Variants in ZNF487 observed in about 807,000 individuals in gnomAD.
ZNF487 encodes zinc finger protein 487, also known as KRAB domain only 1.
A neutral mutation model predicts 3.0 loss-of-function variants in ZNF487; 4 were observed. The observed-to-expected ratio is 1.35, with a 90% CI of 0.66 to 3.08. ZNF487 has a LOEUF of 3.08. ZNF487 is among the 30% of genes most tolerant of loss of function. The probability of loss-of-function intolerance (pLI) is 0.01; values close to 1 mark genes in which losing one functional copy is unlikely to be tolerated. For synonymous variants in ZNF487, 55 were observed against 34.6 expected (o/e 1.59, Z -2.06); for missense variants, 146 against 98.7 (o/e 1.48, Z -2.03).
chr10:43,444,243 G>A (rs1839724008), intron 1 of ZNF487, among the ~76,000 whole-genome samples: 1 of 152,126 alleles, frequency 6.6e-6, no homozygotes, highest in Non-Finnish European at 1.5e-5. Flanking sequence ...TGTACCCATT[G>A]ATGTTTTCAG....
At chr10:43,447,607 C>G (rs1050600233) in intron 1 of ZNF487, among the ~76,000 whole-genome samples, 1 of 152,224 alleles carries the variant, frequency 6.6e-6, no homozygotes, top group African/African-American at 2.4e-5. Context: ...TGTGTGAGCA[C>G]TGGGCACTAT....
At chr10:43,506,673 G>A in the ZNF487 span, among the ~76,000 whole-genome samples, 1 of 152,090 alleles carries the variant, frequency 6.6e-6, no homozygotes, top group Admixed American at 6.6e-5. Flanking sequence ...GCCTCCCAAA[G>A]CCCTTGGTTG....
chr10:43,457,572 A>G (rs1455544561), intron 1 of ZNF487, among the ~76,000 whole-genome samples: 10 of 151,242 alleles, frequency 6.6e-5, no homozygotes, highest in South Asian at 2.1e-4. Context: ...AAAAAAAAAA[A>G]AAAAGAAAAA....
chr10:43,475,658 C>T (rs1841069591), intron 1 of ZNF487, 63 bp from the exon 2 acceptor site: 7 of 749,912 alleles, frequency 9.3e-6, no homozygotes, highest in Non-Finnish European at 1.5e-5. Flanking sequence ...TGTTAGATCT[C>T]ACACATGTTG....
intron 1 of ZNF487, among the ~76,000 whole-genome samples, chr10:43,470,955 G>A (rs959176535): frequency 1.3e-5 from 2 of 152,082 alleles, no homozygotes; most frequent in African/African-American, 2.4e-5. Context: ...AGCCTCTTGA[G>A]TAGTTGGGAC....
chr10:43,444,402 T>A (rs1186601838), intron 1 of ZNF487, among the ~76,000 whole-genome samples: 1 of 152,182 alleles, frequency 6.6e-6, no homozygotes, highest in Admixed American at 6.6e-5. Context: ...TATTTATATA[T>A]AATTTCAGGG....
chr10:43,487,929 CAAAAAAAAAA>C (rs76705594), downstream of ZNF487, among the ~76,000 whole-genome samples: 14 of 40,446 alleles, frequency 3.5e-4, 1 homozygote, highest in East Asian at 8.1e-3. Context: ...TACCAAAATA[CAAAAAAAAAA>C]AAAAAAAAAA....
chr10:43,454,432 T>C (rs1322586546), intron 1 of ZNF487: 1 of 152,256 alleles, frequency 6.6e-6, no homozygotes, highest in East Asian at 1.9e-4. Flanking sequence ...CTCCTTTCAC[T>C]AGCTCACAAA....
the ZNF487 span, among the ~76,000 whole-genome samples, chr10:43,503,213 G>A: frequency 6.6e-6 from 1 of 152,064 alleles, no homozygotes; most frequent in African/African-American, 2.4e-5. Flanking sequence ...CTGACCTTGT[G>A]TAGGCCTGGG....
chr10:43,474,024 G>T (rs1840999473), intron 1 of ZNF487, among the ~76,000 whole-genome samples: 1 of 151,992 alleles, frequency 6.6e-6, no homozygotes, highest in Admixed American at 6.6e-5. Flanking sequence ...AACTGGGGAT[G>T]GTGGTATGCA....
intron 1 of ZNF487, among the ~76,000 whole-genome samples, chr10:43,464,072 A>G (rs1201379635): frequency 6.6e-6 from 1 of 152,102 alleles, no homozygotes; most frequent in Non-Finnish European, 1.5e-5. Context: ...CAGAAGCTAG[A>G]AATACTTAAG....
intron 1 of ZNF487, among the ~76,000 whole-genome samples, chr10:43,444,891 G>A (rs965526499): frequency 1.3e-5 from 2 of 152,032 alleles, no homozygotes; most frequent in Non-Finnish European, 2.9e-5. Context: ...GGTTTTTATT[G>A]TAAGGGTAGA....
the ZNF487 span, among the ~76,000 whole-genome samples, chr10:43,503,688 C>T: frequency 6.6e-6 from 1 of 152,144 alleles, no homozygotes; most frequent in Non-Finnish European, 1.5e-5. Context: ...TCACTGTAGC[C>T]TCAACTTCCT....
chr10:43,513,168 T>A, the ZNF487 span, among the ~76,000 whole-genome samples: 2 of 152,272 alleles, frequency 1.3e-5, no homozygotes, highest in African/African-American at 4.8e-5. Context: ...GAAAAAGCGA[T>A]CAAGGTGCTT....
At chr10:43,447,250 A>ACTTTTTTTTCTTTTC (rs1839846020) in intron 1 of ZNF487, among the ~76,000 whole-genome samples, 1 of 149,182 alleles carries the variant, frequency 6.7e-6, no homozygotes, top group African/African-American at 2.5e-5. Context: ...GGAGAACAAC[A>ACTTTTTTTTCTTTTC]TTTTTTTTTT....
At chr10:43,500,594 C>A in the ZNF487 span, among the ~76,000 whole-genome samples, 1 of 152,064 alleles carries the variant, frequency 6.6e-6, no homozygotes, top group Non-Finnish European at 1.5e-5. Context: ...CTCTGCCTCC[C>A]GGGCTCAGCT....
intron 1 of ZNF487, among the ~76,000 whole-genome samples, chr10:43,465,083 G>C (rs1353710976): frequency 6.8e-6 from 1 of 146,372 alleles, no homozygotes; most frequent in African/African-American, 2.5e-5. Context: ...GCGGCTGGCC[G>C]GGCGGGGGGC....
the ZNF487 span, among the ~76,000 whole-genome samples, chr10:43,493,514 C>T: frequency 9.9e-5 from 15 of 151,202 alleles, no homozygotes; most frequent in African/African-American, 3.2e-4. Context: ...GGCGACATGG[C>T]GAAACCCTGT....
chr10:43,480,037 T>TTC (rs1841284795), intron 3 of ZNF487, among the ~76,000 whole-genome samples: 2 of 50,476 alleles, frequency 4.0e-5, no homozygotes, highest in African/African-American at 8.6e-5. Flanking sequence ...CTTTCTTTCT[T>TTC]TCTTTCTTTT....
Sources: allele counts gnomAD v4.1 joint callset (sites outside exome capture counted in the v4.1 genomes callset), GRCh38; gene constraint gnomAD v4.1.1; transcripts MANE v1.5; gene names NCBI Gene and HGNC (gene_info 2026-07-23, HGNC 2026-07-21).